SAMD14: variants seen among roughly 807,000 people sequenced by gnomAD.
SAMD14 encodes the protein sterile alpha motif domain-containing protein 14.
Under a neutral mutation model 46.2 loss-of-function variants are expected in SAMD14, and 27 were observed. That is an observed-to-expected ratio of 0.58 (90% CI 0.43 to 0.81). SAMD14 has a LOEUF of 0.81. Among genes scored for constraint, SAMD14 ranks in the 30% least tolerant of loss-of-function variants. The pLI is 0.00. For missense variants in SAMD14, 559 were observed against 582.2 expected (o/e 0.96, Z 0.41); for synonymous variants, 241 against 254.3 (o/e 0.95, Z 0.50).
At chr17:50,113,799 G>T in intron 9 of SAMD14, 125 bp downstream of exon 9, 1 of 1,134,784 alleles carries the variant, frequency 8.8e-7, no homozygotes, top group Non-Finnish European at 1.3e-6. Flanking sequence ...GGTGGCCACA[G>T]ATGGAGTGAA....
rs989937505 is a variant in SAMD14, at chr17:50,129,215, CA to C, written c.-13+301del. Reference sequence around the variant, plus strand: ...CAGAGCCCGGTGGCTAGTTTCTCTCCAAACCATCAGCACAACTCCCCGCCGG... The same window carrying C: ...CAGAGCCCGGTGGCTAGTTTCTCTCCAACCATCAGCACAACTCCCCGCCGG... On this transcript the variant is annotated intron_variant, in intron 1 of 9. Transcript: ENST00000330175. This position sits in a 1 kb window ranked among gnomAD's most constrained non-coding sequence, Gnocchi z 5.6. Among the ~76,000 whole-genome samples, 2 of 151,718 alleles carry C rather than the reference CA, an allele frequency of 1.3e-5. No individual in the cohort carries two copies. The highest frequency in any genetic ancestry group is 4.8e-5 in the African/African-American group (2 of 41,360).
At position 50,110,335 on chromosome 17, in the gene SAMD14, A is replaced by G. The variant is rs1910766301; in HGVS notation, c.*2558T>C. ...TGTGGGCGATGCCTGAGGGTTAGGG[A>G]TGTCTCCACCCTGATGGGGTGTCCC... On this transcript the variant is annotated 3_prime_UTR_variant, in exon 10 of 10. Transcript: ENST00000330175. The G allele has an allele frequency of 2.4e-6, 1 of 411,910 alleles. No individual in the cohort carries two copies. The highest frequency in any genetic ancestry group is 2.0e-5 in the African/African-American group (1 of 49,812). 25.5% of individuals were successfully genotyped at this position (411,910 alleles called of 1,614,324 possible).
chr17:50,116,164 G>A, intron 4 of SAMD14, 74 bp from the exon 5 acceptor site: 1 of 1,531,952 alleles, frequency 6.5e-7, no homozygotes, highest in Non-Finnish European at 8.8e-7. Flanking sequence ...AGTGTGGGGT[G>A]GTAGAAATTC....
intron 1 of SAMD14, among the ~76,000 whole-genome samples, chr17:50,125,881 T>C (rs1911742266): frequency 6.6e-6 from 1 of 152,196 alleles, no homozygotes; most frequent in Admixed American, 6.5e-5. Context: ...AACTATGTTC[T>C]GGGAAGAAGT....
Position 50,110,432 on chromosome 17 carries a change from C to G in SAMD14, c.*2461G>C, listed in dbSNP as rs1175309187. 1 of 205,670 alleles carries G rather than the reference C, an allele frequency of 4.9e-6. No homozygotes were observed. The highest frequency in any genetic ancestry group is 9.8e-6 in the Non-Finnish European group (1 of 101,720). The allele number at this position is 205,670 out of a possible 1,614,324, so 12.7% of individuals were successfully genotyped here. A position where few individuals can be genotyped will look rare whatever the true frequency, so the allele number is the denominator to read the frequency against. ...CACTTTTCTGCCAGGGGTACTGGGT[C>G]CCCCTCAGCACCCTCCACAGCACAG... On this transcript the variant is annotated 3_prime_UTR_variant, in exon 10 of 10. Transcript: ENST00000330175.
At chr17:50,120,874 C>G (rs553672736) in intron 2 of SAMD14, among the ~76,000 whole-genome samples, 1 of 152,134 alleles carries the variant, frequency 6.6e-6, no homozygotes, top group Non-Finnish European at 1.5e-5. Flanking sequence ...TTATAATAGC[C>G]CCCCCACTCC....
chr17:50,115,896 AG>A lies in SAMD14; in HGVS notation c.595del (p.Leu199CysfsTer80). 6.2e-7 allele frequency: 1 copy of A among 1,613,260 alleles called. No homozygotes were observed. Among genetic ancestry groups the A allele is most frequent in the South Asian group, 1.1e-5 (1 of 91,024 alleles). On this transcript the variant is annotated frameshift_variant, in exon 6 of 10. Transcript: ENST00000330175. LOFTEE classifies it high-confidence loss of function. This position sits in a 1 kb window ranked among gnomAD's most constrained non-coding sequence, Gnocchi z 5.3. Reference sequence around the variant, plus strand: ...GCTCTTGCCCGTGGATGCTCGGCGCAGGGTGACCCTGTGGGGAGGCAGCAGG... The same window carrying A: ...GCTCTTGCCCGTGGATGCTCGGCGCAGGTGACCCTGTGGGGAGGCAGCAGG... ...RRKFLDLGVT[L>X]RRASTGKSRK...
At chr17:50,113,186 C>A in intron 9 of SAMD14, 138 bp from the exon 10 acceptor site, 1 of 918,194 alleles carries the variant, frequency 1.1e-6, no homozygotes, top group Non-Finnish European at 1.6e-6. Flanking sequence ...GCCTCCCACA[C>A]CGTGACCTGC....
chr17:50,114,511 T>C, intron 7 of SAMD14: 1 of 1,458,608 alleles, frequency 6.9e-7, no homozygotes, highest in Admixed American at 1.9e-5. Context: ...GGCAGCCATC[T>C]GGAGGACATG....
rs1003550335 is a variant in SAMD14 at position 50,111,241 on chromosome 17, A to C, written c.*1652T>G. On this transcript the variant is annotated 3_prime_UTR_variant, in exon 10 of 10. Coordinates refer to ENST00000330175, the MANE Select transcript of SAMD14 (RefSeq NM_001257359.2). ...CGGATGGCCCAGCACCTGGTGACAG[A>C]CCTGTTGTCCCACCATACTCAGGGC... 4 of 152,316 alleles carry C rather than the reference A, an allele frequency of 2.6e-5. No homozygotes were observed. The highest frequency in any genetic ancestry group is 9.6e-5 in the African/African-American group (4 of 41,464). 9.4% of individuals were successfully genotyped at this position (152,316 alleles called of 1,614,324 possible). A position where few individuals can be genotyped will look rare whatever the true frequency, so the allele number is the denominator to read the frequency against.
rs76735154 is a variant in SAMD14, at chr17:50,113,193, C to T, written c.1099-145G>A. The T allele has an allele frequency of 1.5e-3, 1,332 of 881,036 alleles. 8 individuals are homozygous for T. In the African/African-American group the frequency reaches 0.02, roughly 13 times the overall value. The allele number at this position is 881,036 out of a possible 1,614,324, so 54.6% of individuals were successfully genotyped here. ...GAGCCTCCGCCTCCCACACCGTGAC[C>T]TGCCCATGGATCAGAACCCCCAGAG... On this transcript the variant is annotated intron_variant, in intron 9 of 9. Transcript: ENST00000330175.
intron 7 of SAMD14, 53 bp from the exon 8 acceptor site, chr17:50,114,359 T>G (rs761764275): frequency 6.2e-7 from 1 of 1,613,880 alleles, no homozygotes; most frequent in Non-Finnish European, 8.5e-7. Flanking sequence ...CAACCCACCA[T>G]CCCTATCTGG....
chr17:50,117,509 C>A lies in SAMD14; in HGVS notation c.397G>T (p.Gly133Cys). ...GGAGAGCAGGAGGCGGCGGCCAGGC[C>A]CTCGTGCGACGCAGCGTTGTGCAGG... ...RPLHNAASHE[G>C]LAAASCSPPR... The change falls in exon 4 of 10, where the codon GGC (glycine) becomes TGC (cysteine). Residue 133 changes from glycine to cysteine, a missense_variant. By Grantham distance (159) the Gly-to-Cys change is radical. Coordinates refer to ENST00000330175, the MANE Select transcript of SAMD14 (RefSeq NM_001257359.2). 1 of 1,480,834 alleles carries A rather than the reference C, an allele frequency of 6.8e-7. No individual in the cohort carries two copies. The highest frequency in any genetic ancestry group is 1.5e-5 in the African/African-American group (1 of 68,748). 91.7% of individuals were successfully genotyped at this position (1,480,834 alleles called of 1,614,324 possible). A position where few individuals can be genotyped will look rare whatever the true frequency, so the allele number is the denominator to read the frequency against.
At chr17:50,127,826 T>G (rs1911848927) in intron 1 of SAMD14, among the ~76,000 whole-genome samples, 1 of 152,184 alleles carries the variant, frequency 6.6e-6, no homozygotes, top group Non-Finnish European at 1.5e-5. Context: ...CCACATTTCC[T>G]GATTCAACCA....
chr17:50,124,825 A>G (rs1255288494), intron 2 of SAMD14, 92 bp downstream of exon 2: 26 of 1,238,330 alleles, frequency 2.1e-5, no homozygotes, highest in Non-Finnish European at 3.0e-5. Context: ...GCTGCCAAGA[A>G]GCACCCTATC....
chr17:50,114,792 A>T (rs529061779), intron 7 of SAMD14: 1 of 190,128 alleles, frequency 5.3e-6, no homozygotes, highest in East Asian at 1.3e-4. Context: ...AGGAGGAAAG[A>T]AGGAAGTTCC....
At chr17:50,120,604 CAA>C (rs1237474139) in intron 2 of SAMD14, among the ~76,000 whole-genome samples, 1 of 152,192 alleles carries the variant, frequency 6.6e-6, no homozygotes, top group Non-Finnish European at 1.5e-5. Context: ...GATTAAGAGT[CAA>C]AGTTCTCCCA....
At position 50,115,915 on chromosome 17, in the gene SAMD14, G is replaced by A. The variant is rs1334541269; in HGVS notation, c.588-11C>T. The A allele has an allele frequency of 2.5e-6, 4 of 1,612,762 alleles. No homozygotes were observed. The highest frequency in any genetic ancestry group is 3.3e-5 in the Admixed American group (2 of 59,864). ...CGGCGCAGGGTGACCCTGTGGGGAGGCAGCAGGAAGTGGGGCAGGGCTGCC... is the reference window on the plus strand; with the variant it reads ...CGGCGCAGGGTGACCCTGTGGGGAGACAGCAGGAAGTGGGGCAGGGCTGCC... On this transcript the variant is annotated splice_polypyrimidine_tract_variant and intron_variant, in intron 5 of 9. Transcript: ENST00000330175. The surrounding 1 kb of genome is among the most constrained non-coding windows in gnomAD (Gnocchi z 5.3).
Position 50,117,623 on chromosome 17 carries a change from C to T in SAMD14, c.283G>A (p.Gly95Arg), listed in dbSNP as rs747386826. Residue 95 changes from glycine (G) to arginine (R), a missense_variant, in exon 4 of 10, where the codon GGG becomes AGG. Coordinates refer to ENST00000330175, the MANE Select transcript of SAMD14 (RefSeq NM_001257359.2). ...PLHSGPGSPA[G>R]GSFCLDPPGL... Reference sequence around the variant, plus strand: ...GGAGGATCCAGGCAGAAAGAGCCCCCGGCCGGGGACCCCGGGCCTGAGTGC... The same window carrying T: ...GGAGGATCCAGGCAGAAAGAGCCCCTGGCCGGGGACCCCGGGCCTGAGTGC... 11 of 1,557,954 alleles carry T rather than the reference C, an allele frequency of 7.1e-6. No individual in the cohort carries two copies. The highest frequency in any genetic ancestry group is 2.3e-5 in the South Asian group (2 of 85,214).
Sources: gnomAD v4.1 joint callset for allele counts (sites outside exome capture counted in the v4.1 genomes callset) on GRCh38, gnomAD v4.1.1 for gene constraint, Gnocchi (gnomAD v3.1) non-coding constraint, MANE v1.5 for transcripts, NCBI Gene and HGNC (gene_info 2026-07-23, HGNC 2026-07-21) for gene names.